Variants in SAMD3 observed in about 807,000 individuals in gnomAD.
SAMD3 encodes sterile alpha motif domain containing 3, also known as sterile alpha motif domain-containing protein 3.
A neutral mutation model predicts 58.5 loss-of-function variants in SAMD3; 63 were observed. That is an observed-to-expected ratio of 1.08 (90% CI 0.88 to 1.33). The LOEUF (loss-of-function observed/expected upper bound fraction) is 1.33. Ranked by LOEUF, SAMD3 falls within the 40% of genes most tolerant of loss-of-function variation. SAMD3 has a pLI of 0.00. For synonymous variants in SAMD3, 220 were observed against 210.3 expected, an observed-to-expected ratio of 1.05 and a Z score of -0.40; for missense variants, 604 against 608.4, an observed-to-expected ratio of 0.99 and a Z score of 0.08.
chr6:130,351,469 C>T (rs368073899), intron 1 of SAMD3, among the ~76,000 whole-genome samples: 102 of 152,056 alleles, frequency 6.7e-4, no homozygotes, highest in African/African-American at 1.6e-3. Flanking sequence ...AAAAGACACA[C>T]GAAAAAATGC....
intron 1 of SAMD3, among the ~76,000 whole-genome samples, chr6:130,221,953 T>G (rs1034686361): frequency 4.6e-5 from 7 of 152,252 alleles, no homozygotes; most frequent in Admixed American, 2.0e-4. Context: ...CATCTTCATT[T>G]ATTCCATTGG....
At chr6:130,251,448 C>A (rs1042741518) in intron 2 of SAMD3, among the ~76,000 whole-genome samples, 3 of 151,916 alleles carry the variant, frequency 2.0e-5, no homozygotes, top group East Asian at 1.9e-4. Flanking sequence ...TTGAAGAAAC[C>A]ATTGAATAAT....
intron 6 of SAMD3, 80 bp downstream of exon 6, chr6:130,184,358 G>A: frequency 7.2e-7 from 1 of 1,383,112 alleles, no homozygotes; most frequent in East Asian, 2.3e-5. Flanking sequence ...AATCTGAAGA[G>A]AGTTGATTCC....
intron 1 of SAMD3, among the ~76,000 whole-genome samples, chr6:130,359,858 T>C (rs1777934982): frequency 6.6e-6 from 1 of 152,180 alleles, no homozygotes; most frequent in Non-Finnish European, 1.5e-5. Flanking sequence ...TCCAGGGATA[T>C]GCTAAATCTT....
chr6:130,354,605 T>A (rs1348426532), intron 1 of SAMD3, among the ~76,000 whole-genome samples: 2 of 152,050 alleles, frequency 1.3e-5, no homozygotes, highest in African/African-American at 4.8e-5. Context: ...TTCTCACTTA[T>A]AAGTGGGAGC....
chr6:130,259,953 AT>A (rs1294150223), intron 2 of SAMD3, among the ~76,000 whole-genome samples: 8 of 152,186 alleles, frequency 5.3e-5, no homozygotes, highest in African/African-American at 1.9e-4. Context: ...TGTTTCAGGT[AT>A]CTACCACAGT....
intron 2 of SAMD3, among the ~76,000 whole-genome samples, chr6:130,307,706 C>T (rs1775954098): frequency 1.3e-5 from 2 of 152,140 alleles, no homozygotes; most frequent in African/African-American, 4.8e-5. Context: ...ATGGTTATGT[C>T]CACAAGTTAG....
intron 5 of SAMD3, among the ~76,000 whole-genome samples, chr6:130,198,003 A>G (rs1201672154): frequency 2.0e-5 from 3 of 152,032 alleles, no homozygotes; most frequent in African/African-American, 4.8e-5. Flanking sequence ...TCCTGGCTCA[A>G]AAGCTCCCCC....
intron 1 of SAMD3, among the ~76,000 whole-genome samples, chr6:130,333,894 G>T (rs1003096870): frequency 1.6e-4 from 25 of 152,170 alleles, no homozygotes; most frequent in Admixed American, 1.6e-3. Context: ...CTGGGCTTGG[G>T]ACCCAGTTTC....
chr6:130,235,629 T>G (rs764126954), intron 2 of SAMD3, among the ~76,000 whole-genome samples: 1 of 152,174 alleles, frequency 6.6e-6, no homozygotes, highest in Non-Finnish European at 1.5e-5. Flanking sequence ...CTCTCAAATT[T>G]TAGGTAAAAA....
At chr6:130,157,625 C>T (rs1224575650) in intron 8 of SAMD3, among the ~76,000 whole-genome samples, 4 of 152,124 alleles carry the variant, frequency 2.6e-5, no homozygotes, top group African/African-American at 9.7e-5. Flanking sequence ...CCACGCCTGA[C>T]AGATATGATT....
chr6:130,168,453 A>G (rs1315782815), intron 8 of SAMD3, among the ~76,000 whole-genome samples: 1 of 152,118 alleles, frequency 6.6e-6, no homozygotes. Context: ...AAAAACAAAC[A>G]AACAAAAAAT....
rs566487598 is a variant in SAMD3 at position 130,323,989 on chromosome 6, A to T, written c.-303-10896T>A. Among the ~76,000 whole-genome samples, 175 of 152,208 alleles carry T rather than the reference A, an allele frequency of 1.1e-3. No individual in the cohort carries two copies. The Middle Eastern group carries it at 0.017, about 15-fold the overall frequency. ...GGCTCAATATGATGGTGTGCATGGGATGCACAAGGGATGAATGAATAAATA... is the reference window on the plus strand; with the variant it reads ...GGCTCAATATGATGGTGTGCATGGGTTGCACAAGGGATGAATGAATAAATA... On this transcript the variant is annotated intron_variant, in intron 1 of 13. Transcript: ENST00000368134.
At chr6:130,266,439 C>A (rs1774360132) in intron 2 of SAMD3, among the ~76,000 whole-genome samples, 1 of 152,056 alleles carries the variant, frequency 6.6e-6, no homozygotes, top group Non-Finnish European at 1.5e-5. Flanking sequence ...GTCCTAAAAG[C>A]CTCAATCATT....
At chr6:130,266,119 G>A (rs999308327) in intron 2 of SAMD3, among the ~76,000 whole-genome samples, 6 of 152,116 alleles carry the variant, frequency 3.9e-5, no homozygotes, top group African/African-American at 1.4e-4. Flanking sequence ...AGAAATTGAT[G>A]GAGCTGAAAT....
rs1776842540 is a variant in SAMD3, at chr6:130,329,033, T to TCTCTCTCTCC, written c.-303-15950_-303-15941dup. On this transcript the variant is annotated intron_variant, in intron 1 of 13. Coordinates refer to the SAMD3 transcript ENST00000368134. ...GGGGATCTAGGTGTAGACCAATATCTCTCTCTCTCCCTCTCTCTCTCTCTC... is the reference window on the plus strand; with the variant it reads ...GGGGATCTAGGTGTAGACCAATATCTCTCTCTCTCCCTCTCTCTCCCTCTCTCTCTCTCTC... 2.7e-5 allele frequency among the ~76,000 whole-genome samples: 4 copies of TCTCTCTCTCC among 146,852 alleles called. No individual in the cohort carries two copies. The South Asian group carries it at 9.1e-4, about 33-fold the overall frequency.
chr6:130,340,731 G>C (rs1777243100), intron 1 of SAMD3, among the ~76,000 whole-genome samples: 1 of 152,198 alleles, frequency 6.6e-6, no homozygotes, highest in Admixed American at 6.5e-5. Flanking sequence ...TACTAGGTCT[G>C]ATCCAATTGG....
chr6:130,263,700 T>G (rs142745359), intron 2 of SAMD3, among the ~76,000 whole-genome samples: 1 of 152,314 alleles, frequency 6.6e-6, no homozygotes, highest in Non-Finnish European at 1.5e-5. Flanking sequence ...CATCTAATGC[T>G]TGCCTTGTGG....
chr6:130,159,727 A>C (rs1562379230), intron 8 of SAMD3: 1 of 152,256 alleles, frequency 6.6e-6, no homozygotes, highest in Non-Finnish European at 1.5e-5. Context: ...AACTGTGAGA[A>C]GATATTGGGA....
Sources: allele counts gnomAD v4.1 joint callset (sites outside exome capture counted in the v4.1 genomes callset), GRCh38; gene constraint gnomAD v4.1.1; transcripts MANE v1.5; gene names NCBI Gene and HGNC (gene_info 2026-07-23, HGNC 2026-07-21).